Variants in CDH12 observed in about 807,000 individuals in gnomAD.
The protein encoded by CDH12 is cadherin-12.
In CDH12, 41 loss-of-function variants were observed where a neutral mutation model predicts 74.1. The observed-to-expected ratio is 0.55, with a 90% CI of 0.43 to 0.72. The LOEUF is 0.72. Among genes scored for constraint, CDH12 ranks in the 30% least tolerant of loss-of-function variants. The pLI is 0.00. For missense variants in CDH12, 945 were observed against 977.2 expected (o/e 0.97, Z 0.44); for synonymous variants, 399 against 355.0 (o/e 1.12, Z -1.39).
chr5:22,650,383 A>G (rs1361923147), intron 1 of CDH12, among the ~76,000 whole-genome samples: 1 of 152,082 alleles, frequency 6.6e-6, no homozygotes, highest in Non-Finnish European at 1.5e-5. Flanking sequence ...TAGTGATTGC[A>G]TTGTATAAAC....
rs1223350312 is a variant in CDH12, at chr5:21,769,340, A to T, written c.1394-4241T>A. On this transcript the variant is annotated intron_variant, in intron 11 of 14. Coordinates refer to ENST00000382254, the MANE Select transcript of CDH12 (RefSeq NM_004061.5). ...ATGATTATTGCTTAAAGATGACATG[A>T]ACCTGTAGATGGAAAATGCTAAGGA... Among the ~76,000 whole-genome samples, 6 of 152,252 alleles carry T rather than the reference A, an allele frequency of 3.9e-5. No homozygotes were observed. In the South Asian group the frequency reaches 8.3e-4, roughly 21 times the overall value.
chr5:22,757,257 T>A (rs1290437957), intron 1 of CDH12, among the ~76,000 whole-genome samples: 2 of 152,160 alleles, frequency 1.3e-5, no homozygotes, highest in Non-Finnish European at 2.9e-5. Flanking sequence ...ACACCAAAGA[T>A]CTTATTTATG....
intron 4 of CDH12, among the ~76,000 whole-genome samples, chr5:22,186,999 A>G (rs937657856): frequency 2.0e-5 from 3 of 152,210 alleles, no homozygotes; most frequent in South Asian, 2.1e-4. Flanking sequence ...CTTCAAGTTT[A>G]AATGTTCCAT....
intron 1 of CDH12, among the ~76,000 whole-genome samples, chr5:22,725,166 C>G (rs1258524219): frequency 6.6e-6 from 1 of 151,818 alleles, no homozygotes; most frequent in Admixed American, 6.6e-5. Context: ...CACCTAAATT[C>G]TCTCTGTGCT....
chr5:22,052,059 T>A (rs1426181614), intron 5 of CDH12, among the ~76,000 whole-genome samples: 2 of 152,176 alleles, frequency 1.3e-5, no homozygotes. Context: ...GATTTAAACA[T>A]GTGGGTCACA....
chr5:22,375,288 T>C (rs1312639486), intron 3 of CDH12, among the ~76,000 whole-genome samples: 1 of 152,008 alleles, frequency 6.6e-6, no homozygotes, highest in African/African-American at 2.4e-5. Context: ...TACATAAAAT[T>C]CAATTCAATA....
rs36126825 is a variant in CDH12 at position 21,915,822 on chromosome 5, CTGTGTGTGTGTG to C, written c.526+59257_526+59268del. ...GTACACCAGTTTCTGATCATTTGTG[CTGTGTGTGTGTG>C]TGTGTGTGTGTGTGTGTGTGTGTGT... On this transcript the variant is annotated intron_variant, in intron 6 of 14. Transcript: ENST00000382254. 2.7e-3 allele frequency among the ~76,000 whole-genome samples: 379 copies of C among 140,126 alleles called. 4 individuals are homozygous for C. The highest frequency in any genetic ancestry group is 0.011 in the Middle Eastern group (3 of 276). 91.9% of individuals were successfully genotyped at this position (140,126 alleles called of 152,430 possible). A position where few individuals can be genotyped will look rare whatever the true frequency, so the allele number is the denominator to read the frequency against.
chr5:22,246,482 C>T (rs1752948834), intron 3 of CDH12, among the ~76,000 whole-genome samples: 1 of 152,190 alleles, frequency 6.6e-6, no homozygotes, highest in African/African-American at 2.4e-5. Flanking sequence ...TTAAGTTTCA[C>T]ATTTCTGAAG....
At chr5:22,745,698 T>C (rs1012426815) in intron 1 of CDH12, among the ~76,000 whole-genome samples, 4 of 151,934 alleles carry the variant, frequency 2.6e-5, no homozygotes, top group Admixed American at 1.3e-4. Context: ...GCTCTCACAA[T>C]TGGGAGCTAA....
chr5:21,950,765 TA>T lies in CDH12; in HGVS notation c.526+24325del, dbSNP rs1561322781. On this transcript the variant is annotated intron_variant, in intron 6 of 14. Coordinates refer to ENST00000382254, the MANE Select transcript of CDH12 (RefSeq NM_004061.5). ...AGCTACATAAATTTTATTTTATTAT[TA>T]TTATTATTATTATTATTATTATTAT... is the stretch of plus-strand genomic sequence containing the variant. Among the ~76,000 whole-genome samples the T allele has an allele frequency of 8.9e-3, 799 of 89,792 alleles. 3 individuals carry two copies. The highest frequency in any genetic ancestry group is 0.011 in the Non-Finnish European group (552 of 50,100). The allele number at this position is 89,792 out of a possible 152,430, so 58.9% of individuals were successfully genotyped here. A position where few individuals can be genotyped will look rare whatever the true frequency, so the allele number is the denominator to read the frequency against.
At chr5:21,822,570 G>A (rs905985224) in intron 8 of CDH12, among the ~76,000 whole-genome samples, 1 of 151,964 alleles carries the variant, frequency 6.6e-6, no homozygotes, top group Non-Finnish European at 1.5e-5. Context: ...ACAAAGCTGG[G>A]TTCAAGCTGG....
At chr5:22,099,656 C>T (rs931761673) in intron 4 of CDH12, among the ~76,000 whole-genome samples, 2 of 152,086 alleles carry the variant, frequency 1.3e-5, no homozygotes, top group South Asian at 2.1e-4. Flanking sequence ...TTTACACTGC[C>T]GGTTTACACT....
At chr5:22,101,672 A>C (rs1172922744) in intron 4 of CDH12, among the ~76,000 whole-genome samples, 1 of 152,260 alleles carries the variant, frequency 6.6e-6, no homozygotes, top group Non-Finnish European at 1.5e-5. Context: ...AACACATAGC[A>C]TATGAAAACC....
chr5:22,144,285 A>G (rs1362695720), intron 4 of CDH12: 1 of 152,176 alleles, frequency 6.6e-6, no homozygotes, highest in African/African-American at 2.4e-5. Flanking sequence ...TATCATATCT[A>G]TTGGTTACAG....
intron 6 of CDH12, among the ~76,000 whole-genome samples, chr5:21,905,132 G>T (rs1034850999): frequency 2.0e-5 from 3 of 152,184 alleles, no homozygotes; most frequent in African/African-American, 7.2e-5. Flanking sequence ...GGTTTAAGTG[G>T]GTGCCGTAGA....
chr5:22,831,631 T>C (rs928977747), intron 1 of CDH12, among the ~76,000 whole-genome samples: 9 of 152,004 alleles, frequency 5.9e-5, no homozygotes, highest in African/African-American at 2.2e-4. Context: ...GTACGGTGGG[T>C]CACACCTGTA....
chr5:22,066,150 T>A (rs1741541965), intron 5 of CDH12, among the ~76,000 whole-genome samples: 1 of 152,148 alleles, frequency 6.6e-6, no homozygotes, highest in African/African-American at 2.4e-5. Flanking sequence ...CTATTAATGT[T>A]TCTAATTTTT....
At chr5:21,934,940 T>C (rs1366358159) in intron 6 of CDH12, among the ~76,000 whole-genome samples, 1 of 152,062 alleles carries the variant, frequency 6.6e-6, no homozygotes, top group Non-Finnish European at 1.5e-5. Flanking sequence ...GCGCCCGCCA[T>C]CACGCCCGGC....
At chr5:22,516,085 A>G (rs965151556) in intron 1 of CDH12, among the ~76,000 whole-genome samples, 1 of 152,200 alleles carries the variant, frequency 6.6e-6, no homozygotes, top group East Asian at 1.9e-4. Context: ...TGATTAGTAA[A>G]GAAAGCAATG....
Sources: allele counts gnomAD v4.1 joint callset (sites outside exome capture counted in the v4.1 genomes callset), GRCh38; gene constraint gnomAD v4.1.1; transcripts MANE v1.5; gene names NCBI Gene and HGNC (gene_info 2026-07-23, HGNC 2026-07-21).